SUMF1: variants seen among roughly 807,000 people sequenced by gnomAD.
SUMF1 encodes the protein formylglycine-generating enzyme.
SUMF1 carries 48 observed loss-of-function variants against 47.6 expected under a neutral mutation model. That is an observed-to-expected ratio of 1.01 (90% confidence interval 0.80 to 1.28). The LOEUF is 1.28. Ranked by LOEUF, SUMF1 falls within the 50% of genes most tolerant of loss-of-function variation. The pLI is 0.00. For synonymous variants in SUMF1, 230 were observed against 192.1 expected (o/e 1.20, Z -1.63); for missense variants, 571 against 485.4 (o/e 1.18, Z -1.66).
intron 9 of SUMF1, among the ~76,000 whole-genome samples, chr3:4,061,427 C>T (rs1695275265): frequency 6.6e-6 from 1 of 152,114 alleles, no homozygotes; most frequent in African/African-American, 2.4e-5. Flanking sequence ...CTGACCAATT[C>T]CTCTTCCTTA....
intron 7 of SUMF1, among the ~76,000 whole-genome samples, chr3:4,378,515 C>T (rs562534390): frequency 2.0e-5 from 3 of 152,206 alleles, no homozygotes; most frequent in Admixed American, 2.0e-4. Context: ...CTTAATGTCA[C>T]ATTAATAAAC....
intron 8 of SUMF1, among the ~76,000 whole-genome samples, chr3:4,374,648 G>C (rs1424825686): frequency 6.6e-6 from 1 of 152,198 alleles, no homozygotes; most frequent in Non-Finnish European, 1.5e-5. Flanking sequence ...CCATATGCCA[G>C]AGACATAACT....
intron 8 of SUMF1, among the ~76,000 whole-genome samples, chr3:4,248,029 T>C (rs1168319916): frequency 6.6e-6 from 1 of 152,214 alleles, no homozygotes; most frequent in Non-Finnish European, 1.5e-5. Context: ...AAATGCAAAT[T>C]GACACAAATG....
intron 8 of SUMF1, among the ~76,000 whole-genome samples, chr3:4,336,353 G>C (rs983026616): frequency 6.6e-6 from 1 of 152,176 alleles, no homozygotes; most frequent in Non-Finnish European, 1.5e-5. Flanking sequence ...TGTGAAAAGA[G>C]GGAGTGTGGA....
At chr3:4,105,603 G>C (rs1334659134) in intron 8 of SUMF1, among the ~76,000 whole-genome samples, 1 of 152,034 alleles carries the variant, frequency 6.6e-6, no homozygotes, top group African/African-American at 2.4e-5. Context: ...TGATAATACT[G>C]ACAGAAATAG....
chr3:4,090,429 G>T (rs555839244), intron 8 of SUMF1, among the ~76,000 whole-genome samples: 32 of 152,088 alleles, frequency 2.1e-4, no homozygotes, highest in Non-Finnish European at 2.5e-4. Context: ...ATGGGATGGG[G>T]TCCTCTCCAA....
rs1026278621 is a variant in SUMF1 at position 4,208,741 on chromosome 3, G to A, written c.1015-139996C>T. ...ACGTGACTAAGGAAAAAAACCCCAA[G>A]CTTGAGTATGTGACAATAGAAACTT... On this transcript the variant is annotated intron_variant and NMD_transcript_variant, in intron 8 of 12. Coordinates refer to the SUMF1 transcript ENST00000448413. Among the ~76,000 whole-genome samples, 3 of 152,094 alleles carry A rather than the reference G, an allele frequency of 2.0e-5. 1 individual carries two copies. The highest frequency in any genetic ancestry group is 6.8e-3 in the Middle Eastern group (2 of 294).
rs533616865 is a variant in SUMF1 at position 4,141,473 on chromosome 3, G to A, written c.1015-72728C>T. Among the ~76,000 whole-genome samples the A allele has an allele frequency of 2.0e-5, 3 of 152,192 alleles. No homozygotes were observed. The East Asian group carries it at 5.8e-4, about 29-fold the overall frequency. On this transcript the variant is annotated intron_variant and NMD_transcript_variant, in intron 8 of 12. Coordinates refer to the SUMF1 transcript ENST00000448413. ...CTGGCCTCCCAGGAAAGGAAGAGCA[G>A]GTGTGCCTGAAAATCCGACTTATTC...
At chr3:4,218,485 TAAACATGTGTGAAGCCAAA>T in intron 8 of SUMF1, among the ~76,000 whole-genome samples, 1 of 128,160 alleles carries the variant, frequency 7.8e-6, no homozygotes, top group Non-Finnish European at 1.9e-5. Context: ...TAAGGAAGAA[TAAACATGTGTGAAGCCAAA>T]ACAACACAGT....
intron 9 of SUMF1, among the ~76,000 whole-genome samples, chr3:4,037,805 T>C (rs539250946): frequency 6.6e-6 from 1 of 152,202 alleles, no homozygotes; most frequent in African/African-American, 2.4e-5. Context: ...AACTGTGATA[T>C]AGATTGAATA....
chr3:4,139,019 C>T (rs866099870), intron 8 of SUMF1, among the ~76,000 whole-genome samples: 8 of 152,094 alleles, frequency 5.3e-5, no homozygotes, highest in East Asian at 3.9e-4. Flanking sequence ...ATCAACCATG[C>T]GGAAAGTATA....
intron 8 of SUMF1, among the ~76,000 whole-genome samples, chr3:4,242,072 T>C (rs755152030): frequency 6.6e-5 from 10 of 152,208 alleles, no homozygotes; most frequent in African/African-American, 9.6e-5. Context: ...CCTTGCCCTC[T>C]GTTTGCCTGT....
chr3:4,163,905 G>A (rs1400217915), intron 8 of SUMF1, among the ~76,000 whole-genome samples: 1 of 152,070 alleles, frequency 6.6e-6, no homozygotes, highest in African/African-American at 2.4e-5. Context: ...CATTTCTACA[G>A]CCCTGCCCTG....
At chr3:4,314,900 C>T (rs1395289083) in intron 8 of SUMF1, among the ~76,000 whole-genome samples, 1 of 152,172 alleles carries the variant, frequency 6.6e-6, no homozygotes, top group Non-Finnish European at 1.5e-5. Context: ...GGAGGCCCTG[C>T]ACTTTCAACA....
chr3:4,240,061 G>T (rs898191800), intron 8 of SUMF1, among the ~76,000 whole-genome samples: 1 of 152,096 alleles, frequency 6.6e-6, no homozygotes, highest in South Asian at 2.1e-4. Flanking sequence ...TTTATGTGAT[G>T]GATTATGTTT....
At chr3:4,439,050 G>T (rs992321100) in intron 3 of SUMF1, among the ~76,000 whole-genome samples, 1 of 152,092 alleles carries the variant, frequency 6.6e-6, no homozygotes, top group Non-Finnish European at 1.5e-5. Context: ...TGTTAAAGAA[G>T]AAATGATAAT....
chr3:4,172,365 T>C (rs1694850546), intron 8 of SUMF1, among the ~76,000 whole-genome samples: 1 of 152,156 alleles, frequency 6.6e-6, no homozygotes, highest in Admixed American at 6.5e-5. Context: ...GTTTTTAATG[T>C]CTATAAAATT....
At chr3:4,382,107 T>C (rs769341342) in intron 7 of SUMF1, among the ~76,000 whole-genome samples, 10 of 152,012 alleles carry the variant, frequency 6.6e-5, no homozygotes, top group Non-Finnish European at 1.0e-4. Flanking sequence ...AGGCAATGAG[T>C]ATCAATGGCT....
chr3:4,246,719 G>A (rs1454883717), intron 8 of SUMF1, among the ~76,000 whole-genome samples: 1 of 152,090 alleles, frequency 6.6e-6, no homozygotes, highest in Non-Finnish European at 1.5e-5. Context: ...GTTTCTTGAT[G>A]TCTTTTAGTT....
Sources: allele counts gnomAD v4.1 joint callset (sites outside exome capture counted in the v4.1 genomes callset), GRCh38; gene constraint gnomAD v4.1.1; transcripts MANE v1.5; gene names NCBI Gene and HGNC (gene_info 2026-07-23, HGNC 2026-07-21).